Variants in ARL14EPL observed in about 807,000 individuals in gnomAD.
ARL14EPL encodes ARL14 effector protein-like.
A neutral mutation model predicts 15.9 loss-of-function variants in ARL14EPL; 17 were observed. That is an observed-to-expected ratio of 1.07 (90% CI 0.73 to 1.60). The LOEUF (loss-of-function observed/expected upper bound fraction) is 1.60. Ranked by LOEUF, ARL14EPL falls within the 40% of genes most tolerant of loss-of-function variation. The pLI is 0.00. For synonymous variants in ARL14EPL, 78 were observed against 63.8 expected (o/e 1.22, Z -1.06); for missense variants, 214 against 185.9 (o/e 1.15, Z -0.88).
chr5:116,054,740 T>G (rs941601388), intron 3 of ARL14EPL, among the ~76,000 whole-genome samples: 1 of 151,734 alleles, frequency 6.6e-6, no homozygotes, highest in South Asian at 2.1e-4. Context: ...CTGAGGCAGG[T>G]GAATCGCTTG....
intron 3 of ARL14EPL, among the ~76,000 whole-genome samples, chr5:116,057,638 C>A (rs1048688110): frequency 6.6e-6 from 1 of 152,136 alleles, no homozygotes; most frequent in African/African-American, 2.4e-5. Flanking sequence ...TAAAGTACTT[C>A]AAAAGTGAAT....
intron 3 of ARL14EPL, among the ~76,000 whole-genome samples, chr5:116,057,254 G>T (rs572809904): frequency 6.6e-6 from 1 of 152,168 alleles, no homozygotes; most frequent in East Asian, 1.9e-4. Flanking sequence ...CTTTTTGAGG[G>T]GAGGGTAGAG....
chr5:116,033,206 G>A (rs922930047), intron 1 of ARL14EPL, among the ~76,000 whole-genome samples: 16 of 152,160 alleles, frequency 1.1e-4, no homozygotes, highest in Non-Finnish European at 1.5e-4. Flanking sequence ...CCGACTTACC[G>A]TGGTTTGAGT....
At chr5:116,036,596 G>A (rs1350819006) in intron 1 of ARL14EPL, among the ~76,000 whole-genome samples, 1 of 152,092 alleles carries the variant, frequency 6.6e-6, no homozygotes, top group Non-Finnish European at 1.5e-5. Context: ...TCACTGTTTG[G>A]GTTTCTACTT....
chr5:116,056,494 G>C (rs1180422940), intron 3 of ARL14EPL, among the ~76,000 whole-genome samples: 1 of 152,088 alleles, frequency 6.6e-6, no homozygotes, highest in Non-Finnish European at 1.5e-5. Context: ...TGATGGGGTT[G>C]TTTGTTTTTT....
At chr5:116,056,110 A>G (rs187988631) in intron 3 of ARL14EPL, among the ~76,000 whole-genome samples, 99,070 of 151,270 alleles carry the variant, frequency 0.65, 34,202 homozygotes, top group Non-Finnish European at 0.79. Context: ...ATAAACATAC[A>G]TGTGCATGTG....
intron 1 of ARL14EPL, among the ~76,000 whole-genome samples, chr5:116,042,900 A>G (rs1749189907): frequency 6.6e-6 from 1 of 152,130 alleles, no homozygotes; most frequent in Non-Finnish European, 1.5e-5. Flanking sequence ...TTTAAATTTA[A>G]CAATATATTT....
At chr5:116,036,071 A>G (rs941131021) in intron 1 of ARL14EPL, among the ~76,000 whole-genome samples, 1 of 152,228 alleles carries the variant, frequency 6.6e-6, no homozygotes, top group Admixed American at 6.5e-5. Context: ...AAAGCAGAGC[A>G]TTAAAAGGTG....
chr5:116,057,240 G>A (rs76088082), intron 3 of ARL14EPL, among the ~76,000 whole-genome samples: 7,666 of 152,218 alleles, frequency 0.05, 284 homozygotes, highest in East Asian at 0.16. Context: ...TCAAGGTACA[G>A]TTCCTTTTTG....
At chr5:116,045,960 G>C (rs1276185855) in intron 1 of ARL14EPL, among the ~76,000 whole-genome samples, 2 of 152,116 alleles carry the variant, frequency 1.3e-5, no homozygotes, top group Non-Finnish European at 2.9e-5. Context: ...ATTGTCTTGT[G>C]GTTTTGAAAA....
intron 2 of ARL14EPL, 99 bp from the exon 3 acceptor site, chr5:116,053,915 T>C: frequency 1.0e-6 from 1 of 974,026 alleles, no homozygotes; most frequent in Admixed American, 2.9e-5. Flanking sequence ...TATACTTTCA[T>C]GCCTTTATGG....
At chr5:116,032,871 C>T (rs148444151) in intron 1 of ARL14EPL, among the ~76,000 whole-genome samples, 8 of 152,300 alleles carry the variant, frequency 5.3e-5, no homozygotes, top group South Asian at 2.1e-4. Flanking sequence ...CATCTCCGCT[C>T]GCCGCAGCCT....
intron 1 of ARL14EPL, among the ~76,000 whole-genome samples, chr5:116,034,753 T>G (rs1047894230): frequency 6.6e-6 from 1 of 152,156 alleles, no homozygotes; most frequent in African/African-American, 2.4e-5. Context: ...AGGCAGTGTG[T>G]CCAGTAGGCT....
chr5:116,052,019 T>C, intron 2 of ARL14EPL: 2 of 1,611,240 alleles, frequency 1.2e-6, no homozygotes, highest in Non-Finnish European at 1.7e-6. Flanking sequence ...ACTAAGGAGC[T>C]CCTGAAGGGC....
At chr5:116,039,188 G>A (rs1749103907) in intron 1 of ARL14EPL, among the ~76,000 whole-genome samples, 1 of 152,110 alleles carries the variant, frequency 6.6e-6, no homozygotes, top group Non-Finnish European at 1.5e-5. Context: ...GGTTTGGTGG[G>A]AAGGCTCCCA....
intron 2 of ARL14EPL, among the ~76,000 whole-genome samples, chr5:116,053,077 G>A (rs1359774907): frequency 2.6e-5 from 4 of 152,052 alleles, no homozygotes; most frequent in African/African-American, 9.7e-5. Context: ...AATTACAGTG[G>A]CTCACACCTG....
intron 1 of ARL14EPL, among the ~76,000 whole-genome samples, chr5:116,032,868 G>A (rs1236002466): frequency 6.6e-6 from 1 of 152,056 alleles, no homozygotes; most frequent in East Asian, 1.9e-4. Context: ...TGCCATCTCC[G>A]CTCGCCGCAG....
At chr5:116,041,986 G>A (rs1749168180) in intron 1 of ARL14EPL, among the ~76,000 whole-genome samples, 1 of 152,032 alleles carries the variant, frequency 6.6e-6, no homozygotes, top group Non-Finnish European at 1.5e-5. Context: ...GAGCCACTAT[G>A]CTCGGCTAAT....
At chr5:116,042,708 A>T (rs1749185514) in intron 1 of ARL14EPL, among the ~76,000 whole-genome samples, 1 of 152,174 alleles carries the variant, frequency 6.6e-6, no homozygotes, top group African/African-American at 2.4e-5. Context: ...AGAGTTTCCT[A>T]CTGTAGCCCC....
Sources: gnomAD v4.1 joint callset for allele counts (sites outside exome capture counted in the v4.1 genomes callset) on GRCh38, gnomAD v4.1.1 for gene constraint, MANE v1.5 for transcripts, NCBI Gene and HGNC (gene_info 2026-07-23, HGNC 2026-07-21) for gene names.